The following CDC42 variants were observed in gnomAD, a reference collection of about 807,000 sequenced individuals.
CDC42 encodes the protein cell division control protein 42 homolog.
CDC42 carries 1 observed loss-of-function variant against 20.8 expected under a neutral mutation model. The observed-to-expected ratio is 0.05, with a 90% confidence interval of 0.02 to 0.23. The LOEUF (loss-of-function observed/expected upper bound fraction) is 0.23. CDC42 is among the 10% of genes least tolerant of loss of function. CDC42 has a pLI of 1.00. For synonymous variants in CDC42, 72 were observed against 84.8 expected (o/e 0.85, Z 0.83); for missense variants, 49 against 227.9 (o/e 0.21, Z 5.05).
intron 3 of CDC42, among the ~76,000 whole-genome samples, chr1:22,084,732 A>C (rs1397948455): frequency 6.6e-6 from 1 of 152,052 alleles, no homozygotes; most frequent in East Asian, 1.9e-4. Context: ...TGCCAAGTCC[A>C]CCTGAATCTT....
At chr1:22,080,035 G>A (rs922428688) in intron 2 of CDC42, among the ~76,000 whole-genome samples, 3 of 152,148 alleles carry the variant, frequency 2.0e-5, no homozygotes, top group African/African-American at 2.4e-5. Context: ...TGGATTTGGT[G>A]TAGAATGCAT....
Position 22,094,579 on chromosome 1 carries a change from G to T in CDC42, c.*3062G>T, listed in dbSNP as rs1645744535. On this transcript the variant is annotated 3_prime_UTR_variant, in exon 6 of 6. Coordinates refer to ENST00000656825, the MANE Select transcript of CDC42 (RefSeq NM_001791.4). ...CCCAAAGTGCTGGGATTACAGGCGT[G>T]AGCCACCGCGCCCGGCCAGAAATAG... Among the ~76,000 whole-genome samples the T allele has an allele frequency of 6.7e-6, 1 of 148,678 alleles. No homozygotes were observed. The highest frequency in any genetic ancestry group is 2.1e-4 in the South Asian group (1 of 4,812).
At chr1:22,084,998 G>C (rs1237510203) in intron 3 of CDC42, among the ~76,000 whole-genome samples, 1 of 152,106 alleles carries the variant, frequency 6.6e-6, no homozygotes, top group Non-Finnish European at 1.5e-5. Context: ...TTGGGAGGCT[G>C]AGGTGGGCAG....
chr1:22,090,284 T>G, intron 5 of CDC42: 1 of 1,169,724 alleles, frequency 8.5e-7, no homozygotes, highest in African/African-American at 1.6e-5. Context: ...GCTTTTTGGT[T>G]TGGATTACTA....
rs144956014 is a variant in CDC42, at chr1:22,062,510, C to G, written c.-51+9768C>G. On this transcript the variant is annotated intron_variant, in intron 1 of 5. Transcript: ENST00000656825. ...GCATGATTTCATTCTTGTAGACTTA[C>G]GACCAAATTACTCTGTGCTGATTCT... Among the ~76,000 whole-genome samples the G allele has an allele frequency of 1.5e-3, 232 of 152,150 alleles. 1 individual carries two copies. The highest frequency in any genetic ancestry group is 6.8e-3 in the Middle Eastern group (2 of 294).
At chr1:22,090,574 G>A (rs967053607) in intron 5 of CDC42, 27 of 986,132 alleles carry the variant, frequency 2.7e-5, no homozygotes, top group Non-Finnish European at 3.3e-5. Flanking sequence ...TGGAGTATTT[G>A]TCAGTCTGGG....
intron 2 of CDC42, among the ~76,000 whole-genome samples, chr1:22,079,139 CTTTTTTTTTT>C (rs10609742): frequency 4.3e-5 from 5 of 116,738 alleles, no homozygotes; most frequent in Non-Finnish European, 5.1e-5. Flanking sequence ...TTCTTTTTTT[CTTTTTTTTTT>C]TTTTTTTGAG....
At chr1:22,089,015 G>A (rs1645690135) in intron 5 of CDC42, among the ~76,000 whole-genome samples, 1 of 152,160 alleles carries the variant, frequency 6.6e-6, no homozygotes. Flanking sequence ...GAACACTTGG[G>A]GTGGTCTGGG....
chr1:22,091,283 G>A (rs1361267332), intron 5 of CDC42, 145 bp from the exon 6 acceptor site: 2 of 586,954 alleles, frequency 3.4e-6, no homozygotes, highest in African/African-American at 3.8e-5. Flanking sequence ...TCTTGGTGAA[G>A]TGAGATTATT....
intron 1 of CDC42, among the ~76,000 whole-genome samples, chr1:22,075,586 C>G (rs1000654695): frequency 3.9e-5 from 6 of 152,094 alleles, no homozygotes; most frequent in African/African-American, 1.2e-4. Context: ...TTTTAAAATT[C>G]CTTATATTGA....
intron 1 of CDC42, chr1:22,068,646 C>T (rs766954965): frequency 2.0e-5 from 3 of 152,486 alleles, no homozygotes; most frequent in Non-Finnish European, 4.4e-5. Context: ...ACAAGAGATG[C>T]TGCTCTTCTG....
rs1645723887 is a variant in CDC42, at chr1:22,092,034, G to A, written c.*517G>A. On this transcript the variant is annotated 3_prime_UTR_variant, in exon 6 of 6. Coordinates refer to ENST00000656825, the MANE Select transcript of CDC42 (RefSeq NM_001791.4). ...ACCAGTGGTTAGCCCTTAAGGGGAG[G>A]AGGACGGATTGATTCCACATTCCAC... 6.6e-6 allele frequency: 1 copy of A among 152,284 alleles called. No homozygotes were observed. Among genetic ancestry groups the A allele is most frequent in the Non-Finnish European group, 1.5e-5 (1 of 67,990 alleles). The allele number at this position is 152,284 out of a possible 1,614,324, so 9.4% of individuals were successfully genotyped here.
intron 5 of CDC42, chr1:22,089,913 C>G (rs1364227360): frequency 1.2e-6 from 2 of 1,608,738 alleles, no homozygotes; most frequent in African/African-American, 2.7e-5. Context: ...AACCTGGCTG[C>G]TATTCTCTCT....
chr1:22,086,268 A>G (rs963899645), intron 3 of CDC42, among the ~76,000 whole-genome samples, 171 bp from the exon 4 acceptor site: 2 of 152,224 alleles, frequency 1.3e-5, no homozygotes, highest in African/African-American at 4.8e-5. Context: ...TGAGTGCTTG[A>G]AGTTTGTAGA....
intron 1 of CDC42, among the ~76,000 whole-genome samples, chr1:22,075,774 A>C (rs1196021140): frequency 6.6e-6 from 1 of 152,194 alleles, no homozygotes; most frequent in African/African-American, 2.4e-5. Flanking sequence ...GTTGAATAAC[A>C]CAGAGGTTGA....
At chr1:22,067,448 C>T (rs927635044) in intron 1 of CDC42, among the ~76,000 whole-genome samples, 2 of 152,218 alleles carry the variant, frequency 1.3e-5, no homozygotes, top group Admixed American at 6.6e-5. Flanking sequence ...TCACTGCAAC[C>T]TCTACCTCCC....
chr1:22,067,860 C>T (rs1236039788), intron 1 of CDC42, among the ~76,000 whole-genome samples: 4 of 152,016 alleles, frequency 2.6e-5, no homozygotes, highest in African/African-American at 9.7e-5. Context: ...GGTGGTCAGG[C>T]GGTTGGGGCA....
chr1:22,083,397 G>GT (rs1253065725), intron 3 of CDC42, among the ~76,000 whole-genome samples: 2 of 151,820 alleles, frequency 1.3e-5, no homozygotes, highest in African/African-American at 4.8e-5. Context: ...GAGGTCAGGA[G>GT]TTTGAGACCA....
In CDC42 at chr1:22,094,124, C is replaced by T. The variant is rs1336792689; in HGVS notation, c.*2607C>T. Among the ~76,000 whole-genome samples, 1 of 151,738 alleles carries T rather than the reference C, an allele frequency of 6.6e-6. No individual in the cohort carries two copies. The highest frequency in any genetic ancestry group is 1.5e-5 in the Non-Finnish European group (1 of 67,952). On this transcript the variant is annotated 3_prime_UTR_variant, in exon 6 of 6. Coordinates refer to ENST00000656825, the MANE Select transcript of CDC42 (RefSeq NM_001791.4). ...TTGACGTAACAAACTTGCTTATAGTCGTGGCTTAGAAGGTGAGTGATATTC... is the reference window on the plus strand; with the variant it reads ...TTGACGTAACAAACTTGCTTATAGTTGTGGCTTAGAAGGTGAGTGATATTC...
Sources: gnomAD v4.1 joint callset for allele counts (sites outside exome capture counted in the v4.1 genomes callset) on GRCh38, gnomAD v4.1.1 for gene constraint, MANE v1.5 for transcripts, NCBI Gene and HGNC (gene_info 2026-07-23, HGNC 2026-07-21) for gene names.